RASAL3: variants seen among roughly 807,000 people sequenced by gnomAD.
RASAL3 encodes RAS protein activator like 3.
Under a neutral mutation model 105.5 loss-of-function variants are expected in RASAL3, and 74 were observed. That is an observed-to-expected ratio of 0.70 (90% CI 0.58 to 0.85). RASAL3 has a LOEUF of 0.85. Ranked by LOEUF, RASAL3 falls within the 40% of genes least tolerant of loss-of-function variation. The probability of loss-of-function intolerance (pLI) is 0.00; values close to 1 mark genes in which losing one functional copy is unlikely to be tolerated. For synonymous variants in RASAL3, 579 were observed against 591.6 expected (o/e 0.98, Z 0.31); for missense variants, 1,352 against 1,392.0 (o/e 0.97, Z 0.46).
chr19:15,452,254 G>T (rs1333692405), intron 16 of RASAL3, 146 bp from the exon 17 acceptor site: 1 of 749,980 alleles, frequency 1.3e-6, no homozygotes, highest in Non-Finnish European at 2.3e-6. Flanking sequence ...AAATATGCTT[G>T]AAGAAGGGTC....
chr19:15,452,687 C>A lies in RASAL3; in HGVS notation c.2799G>T (p.Leu933=). 2 of 1,550,996 alleles carry A rather than the reference C, an allele frequency of 1.3e-6. No individual in the cohort carries two copies. The highest frequency in any genetic ancestry group is 8.7e-7 in the Non-Finnish European group (1 of 1,147,124). The change falls in exon 16 of 18, where the codon CTG becomes CTT. Residue 933 remains leucine, a synonymous_variant. Transcript: ENST00000343625. ...TEQQEQLRGQ[L]QDLDSRLRAG... ...CACGGAGCCTGGAGTCCAGATCCTG[C>A]AGCTGGCCCCGCAGCTGCTCCTGCT...
Position 15,453,628 on chromosome 19 carries a change from C to T in RASAL3, c.2280-131G>A. 1 of 922,700 alleles carries T rather than the reference C, an allele frequency of 1.1e-6. No homozygotes were observed. The highest frequency in any genetic ancestry group is 1.5e-6 in the Non-Finnish European group (1 of 658,960). 57.2% of individuals were successfully genotyped at this position (922,700 alleles called of 1,614,324 possible). The stretch of plus-strand genomic sequence containing the variant: ...TTTTTTTTTTTGAGACAAGGTCTTG[C>T]TCTGTCGCCCAGGCTGGAGTGCAGT... On this transcript the variant is annotated intron_variant, in intron 14 of 17. Coordinates refer to ENST00000343625, the MANE Select transcript of RASAL3 (RefSeq NM_022904.3). The surrounding 1 kb of genome is among the most constrained non-coding windows in gnomAD (Gnocchi z 4.2).
chr19:15,457,703 C>T lies in RASAL3; in HGVS notation c.1020G>A (p.Thr340=), dbSNP rs1379905408. Residue 340 remains threonine (T), a synonymous_variant, in exon 9 of 18, where the codon ACG becomes ACA. Transcript: ENST00000343625. The surrounding 1 kb of genome is among the most constrained non-coding windows in gnomAD (Gnocchi z 8.6). ...LWLDGALLAR[T]APRAGPGQLF... The stretch of plus-strand genomic sequence containing the variant: ...GCTGGCCTGGGCCGGCCCGAGGCGC[C>T]GTGCGTGCCAGCAGCGCGCCATCCA... 2 of 1,476,936 alleles carry T rather than the reference C, an allele frequency of 1.4e-6. No homozygotes were observed. The highest frequency in any genetic ancestry group is 1.3e-5 in the South Asian group (1 of 76,478). 91.5% of individuals were successfully genotyped at this position (1,476,936 alleles called of 1,614,324 possible). A position where few individuals can be genotyped will look rare whatever the true frequency, so the allele number is the denominator to read the frequency against.
Position 15,456,492 on chromosome 19 carries a change from C to T in RASAL3, c.1576+10G>A. 6.2e-7 allele frequency: 1 copy of T among 1,613,372 alleles called. No individual in the cohort carries two copies. The highest frequency in any genetic ancestry group is 8.5e-7 in the Non-Finnish European group (1 of 1,179,634). On this transcript the variant is annotated intron_variant, in intron 10 of 17. Coordinates refer to ENST00000343625, the MANE Select transcript of RASAL3 (RefSeq NM_022904.3). The surrounding 1 kb of genome is among the most constrained non-coding windows in gnomAD (Gnocchi z 4.4). ...AGCAGGCCGCTGACATGGACTCTCC[C>T]CCAGCTCACCCAGGGTCTCCTGGAG...
Position 15,453,581 on chromosome 19 carries a change from C to G in RASAL3, c.2280-84G>C. 7.5e-7 allele frequency: 1 copy of G among 1,334,542 alleles called. No homozygotes were observed. The highest frequency in any genetic ancestry group is 9.8e-7 in the Non-Finnish European group (1 of 1,020,766). The allele number at this position is 1,334,542 out of a possible 1,614,324, so 82.7% of individuals were successfully genotyped here. ...GACCTGACCAGAAGTGACCTCACCC[C>G]CCACGTGAACTTGTCCTTTCTTTTT... On this transcript the variant is annotated intron_variant, in intron 14 of 17. Coordinates refer to ENST00000343625, the MANE Select transcript of RASAL3 (RefSeq NM_022904.3). This position sits in a 1 kb window ranked among gnomAD's most constrained non-coding sequence, Gnocchi z 4.2.
At chr19:15,462,767 A>C (rs1970549947) in intron 2 of RASAL3, among the ~76,000 whole-genome samples, 1 of 152,066 alleles carries the variant, frequency 6.6e-6, no homozygotes, top group Non-Finnish European at 1.5e-5. Flanking sequence ...TCTGGTTAAC[A>C]CAGTGAAACC....
chr19:15,453,479 C>A lies in RASAL3; in HGVS notation c.2298G>T (p.Lys766Asn), dbSNP rs746380278. 1.3e-6 allele frequency: 2 copies of A among 1,535,720 alleles called. No individual in the cohort carries two copies. The highest frequency in any genetic ancestry group is 1.2e-5 in the South Asian group (1 of 80,918). ...GGTCCCGGGGGGCCAGGAAGCCGGG[C>A]TTCTCCCCTGCGGAGAGGCTAGGGG... Reference protein sequence around the residue: ...QVHSSLSAGEKPGFLAPRDLP... With the variant: ...QVHSSLSAGENPGFLAPRDLP... The change falls in exon 15 of 18, where the codon AAG becomes AAT. Residue 766 changes from lysine (K) to asparagine (N), a missense_variant. Lys to Asn is a moderately conservative substitution (Grantham distance 94). Transcript: ENST00000343625. This position sits in a 1 kb window ranked among gnomAD's most constrained non-coding sequence, Gnocchi z 4.2.
In RASAL3 at chr19:15,457,781, C is replaced by T. The variant is rs1479010441; in HGVS notation, c.942G>A (p.Lys314=). Residue 314 remains lysine (K), a synonymous_variant, in exon 9 of 18, where the codon AAG becomes AAA. Transcript: ENST00000343625. This position sits in a 1 kb window ranked among gnomAD's most constrained non-coding sequence, Gnocchi z 8.6. ...TWLSVWVHEA[K]GLPRAAAGAP... ...CCCCCGCCGCTGCTCGGGGAAGCCC[C>T]TTCGCTTCGTGCACCCACACGCTCA... 1 of 1,548,112 alleles carries T rather than the reference C, an allele frequency of 6.5e-7. No individual in the cohort carries two copies. Among genetic ancestry groups the T allele is most frequent in the Non-Finnish European group, 8.7e-7 (1 of 1,146,600 alleles).
chr19:15,454,515 T>C lies in RASAL3; in HGVS notation c.2006A>G (p.Glu669Gly). ...GCATTGCATGGCTGGTCCATGTTCC[T>C]CCAGGAAGCTATTCATGAAGCCCAT... ...AYMGFMNSFLEEHGPAMQCFL... is the reference protein window; with the variant it reads ...AYMGFMNSFLGEHGPAMQCFL... The change falls in exon 13 of 18, where the codon GAG (glutamate) becomes GGG (glycine). Residue 669 changes from glutamate (E) to glycine (G), a missense_variant. Transcript: ENST00000343625. 1 of 1,613,972 alleles carries C rather than the reference T, an allele frequency of 6.2e-7. No individual in the cohort carries two copies. The highest frequency in any genetic ancestry group is 1.1e-5 in the South Asian group (1 of 91,090).
At chr19:15,458,785 AC>A in intron 6 of RASAL3, 130 bp from the exon 7 acceptor site, 2 of 1,090,014 alleles carry the variant, frequency 1.8e-6, no homozygotes, top group Non-Finnish European at 2.5e-6. Flanking sequence ...TGCCCCCCCC[AC>A]CCCCCGCCAT....
Position 15,464,281 on chromosome 19 carries a change from G to T in RASAL3, c.78C>A (p.His26Gln), listed in dbSNP as rs1970608754. The T allele has an allele frequency of 1.2e-6, 2 of 1,611,640 alleles. No individual in the cohort carries two copies. The highest frequency in any genetic ancestry group is 2.2e-5 in the East Asian group (1 of 44,832). ...CCGCCTTCTCCCCACCGCCCCCTGTGTGCCAGCGGTAGGAAGTCAGCGGAG... is the reference window on the plus strand; with the variant it reads ...CCGCCTTCTCCCCACCGCCCCCTGTTTGCCAGCGGTAGGAAGTCAGCGGAG... Reference protein sequence around the residue: ...ATSPLTSYRWHTGGGGEKAAG... With the variant: ...ATSPLTSYRWQTGGGGEKAAG... The change falls in exon 2 of 18, where the codon CAC becomes CAA. Residue 26 changes from histidine to glutamine, a missense_variant. Around this residue, in one of 3 missense-constraint regions of RASAL3, gnomAD observed 344 missense variants for 339.6 expected, o/e 1.01. Coordinates refer to ENST00000343625, the MANE Select transcript of RASAL3 (RefSeq NM_022904.3).
Position 15,457,895 on chromosome 19 carries a change from C to G in RASAL3, c.889-61G>C. 2 of 1,529,090 alleles carry G rather than the reference C, an allele frequency of 1.3e-6. No individual in the cohort carries two copies. Among genetic ancestry groups the G allele is most frequent in the Non-Finnish European group, 1.8e-6 (2 of 1,133,542 alleles). 94.7% of individuals were successfully genotyped at this position (1,529,090 alleles called of 1,614,324 possible). ...GTTTGTTGGCACCCCAAAGAAGGCA[C>G]CGCAAGTGAAGCGTGGAGCCTCAAA... On this transcript the variant is annotated intron_variant, in intron 8 of 17. Transcript: ENST00000343625. This position sits in a 1 kb window ranked among gnomAD's most constrained non-coding sequence, Gnocchi z 8.6.
At chr19:15,454,595 A>G (rs1293574028) in intron 12 of RASAL3, 33 bp from the exon 13 acceptor site, 5 of 1,612,286 alleles carry the variant, frequency 3.1e-6, no homozygotes, top group Non-Finnish European at 4.2e-6. Flanking sequence ...GGGTCAGGTC[A>G]GGCACCTGCC....
In RASAL3 at chr19:15,457,379, C is replaced by A; in HGVS notation, c.1344G>T (p.Gly448=). The A allele has an allele frequency of 6.9e-7, 1 of 1,441,326 alleles. No individual in the cohort carries two copies. The highest frequency in any genetic ancestry group is 9.1e-7 in the Non-Finnish European group (1 of 1,103,390). The allele number at this position is 1,441,326 out of a possible 1,614,324, so 89.3% of individuals were successfully genotyped here. A position where few individuals can be genotyped will look rare whatever the true frequency, so the allele number is the denominator to read the frequency against. Residue 448 remains glycine, a synonymous_variant, in exon 9 of 18, where the codon GGG becomes GGT. Coordinates refer to ENST00000343625, the MANE Select transcript of RASAL3 (RefSeq NM_022904.3). This position sits in a 1 kb window ranked among gnomAD's most constrained non-coding sequence, Gnocchi z 8.6. ...GCGCAGGCAGCGCGGGCTCCAGGGCCCCGCAGAGGCGCGCATAGTGGAAGG... is the reference window on the plus strand; with the variant it reads ...GCGCAGGCAGCGCGGGCTCCAGGGCACCGCAGAGGCGCGCATAGTGGAAGG... ...FLTFHYARLC[G]ALEPALPAQA...
In RASAL3 at chr19:15,454,699, G is replaced by A. The variant is rs1486397779; in HGVS notation, c.1916C>T (p.Thr639Ile). ...HPAPGPARTLTLIAKVIQNLA... is the reference protein window; with the variant it reads ...HPAPGPARTLILIAKVIQNLA... The stretch of plus-strand genomic sequence containing the variant: ...GTTCTGGATGACCTTGGCAATCAGT[G>A]TGAGGGTGCGGGCTGGGCCGGGTGC... Residue 639 changes from threonine (T) to isoleucine (I), a missense_variant, in exon 12 of 18, where the codon ACA (threonine) becomes ATA (isoleucine). By Grantham distance (89) the Thr-to-Ile change is moderately conservative. Transcript: ENST00000343625. 2.5e-6 allele frequency: 4 copies of A among 1,611,522 alleles called. No homozygotes were observed. Among genetic ancestry groups the A allele is most frequent in the Non-Finnish European group, 2.5e-6 (3 of 1,178,640 alleles).
At position 15,453,528 on chromosome 19, in the gene RASAL3, C is replaced by A; in HGVS notation, c.2280-31G>T. On this transcript the variant is annotated intron_variant, in intron 14 of 17. Transcript: ENST00000343625. This position sits in a 1 kb window ranked among gnomAD's most constrained non-coding sequence, Gnocchi z 4.2. ...GGTGGGATGGAGGATCTTAGACCCT[C>A]CACTGGCCCCTGAGACGACCCCATC... The A allele has an allele frequency of 6.8e-7, 1 of 1,481,326 alleles. No individual in the cohort carries two copies. The highest frequency in any genetic ancestry group is 2.8e-5 in the East Asian group (1 of 35,708). The allele number at this position is 1,481,326 out of a possible 1,614,324, so 91.8% of individuals were successfully genotyped here.
intron 2 of RASAL3, among the ~76,000 whole-genome samples, chr19:15,463,354 A>C (rs2089827471): frequency 6.6e-6 from 1 of 152,036 alleles, no homozygotes; most frequent in Non-Finnish European, 1.5e-5. Context: ...TGGCCTCCCA[A>C]AGTGCTGGGA....
Position 15,457,613 on chromosome 19 carries a change from C to A in RASAL3, c.1110G>T (p.Leu370=). Residue 370 remains leucine, a synonymous_variant, in exon 9 of 18, where the codon CTG becomes CTT. Coordinates refer to ENST00000343625, the MANE Select transcript of RASAL3 (RefSeq NM_022904.3). The surrounding 1 kb of genome is among the most constrained non-coding windows in gnomAD (Gnocchi z 8.6). ...CCGCGCTTCCCGGGCCCAAGCCGCG[C>A]AGCCGCAGCGACAGGCGACGTGCCG... is the stretch of plus-strand genomic sequence containing the variant. ...LPPARRLSLR[L]RGLGPGSAVL... 1 of 1,371,580 alleles carries A rather than the reference C, an allele frequency of 7.3e-7. No individual in the cohort carries two copies. The highest frequency in any genetic ancestry group is 9.4e-7 in the Non-Finnish European group (1 of 1,060,116). 85.0% of individuals were successfully genotyped at this position (1,371,580 alleles called of 1,614,324 possible).
At chr19:15,459,711 A>AT (rs1049558123) in intron 6 of RASAL3, among the ~76,000 whole-genome samples, 7 of 151,818 alleles carry the variant, frequency 4.6e-5, no homozygotes, top group Non-Finnish European at 1.0e-4. Context: ...TAATTTTTGT[A>AT]TTTTTTGTAG....
Sources: allele counts gnomAD v4.1 joint callset (sites outside exome capture counted in the v4.1 genomes callset), GRCh38; gene constraint gnomAD v4.1.1; regional missense constraint gnomAD v4.1.1; non-coding constraint Gnocchi (gnomAD v3.1); transcripts MANE v1.5; gene names NCBI Gene and HGNC (gene_info 2026-07-23, HGNC 2026-07-21).